Variants in PRKCZ observed in about 807,000 individuals in gnomAD.
PRKCZ encodes the protein protein kinase C zeta.
A neutral mutation model predicts 79.5 loss-of-function variants in PRKCZ; 33 were observed. The observed-to-expected ratio is 0.41, with a 90% CI of 0.31 to 0.55. PRKCZ has a LOEUF of 0.55. PRKCZ is among the 20% of genes least tolerant of loss of function. The pLI is 0.19. For synonymous variants in PRKCZ, 342 were observed against 320.9 expected, an observed-to-expected ratio of 1.07 and a Z score of -0.70; for missense variants, 578 against 813.5, an observed-to-expected ratio of 0.71 and a Z score of 3.52.
chr1:2,108,463 C>T lies in PRKCZ; in HGVS notation c.335-26799C>T, dbSNP rs112312368. On this transcript the variant is annotated intron_variant, in intron 4 of 17. Coordinates refer to ENST00000378567, the MANE Select transcript of PRKCZ (RefSeq NM_002744.6). ...GCGTGGGGCCGTGGCGGCTCCGAGG[C>T]GCCACCGCTGTGTCCTCTCATGAGT... Among the ~76,000 whole-genome samples the T allele has an allele frequency of 4.1e-3, 632 of 152,314 alleles. 7 individuals are homozygous for T. The highest frequency in any genetic ancestry group is 0.015 in the African/African-American group (618 of 41,582).
In PRKCZ at chr1:2,171,895, T is replaced by A. The variant is rs181408687; in HGVS notation, c.1062-160T>A. Among the ~76,000 whole-genome samples the A allele has an allele frequency of 9.0e-3, 1,375 of 152,278 alleles. 17 individuals carry two copies. Among genetic ancestry groups the A allele is most frequent in the Middle Eastern group, 0.024 (7 of 294 alleles). On this transcript the variant is annotated intron_variant, in intron 11 of 17. Transcript: ENST00000378567. ...CCTGGAGCTTTCATTGGCATTTCCC[T>A]CCCTGGCCCTGTGCACTGCACTTTC...
chr1:2,135,208 G>A lies in PRKCZ; in HGVS notation c.335-54G>A, dbSNP rs146707847. 405 of 1,505,804 alleles carry A rather than the reference G, an allele frequency of 2.7e-4. 1 individual carries two copies. In the African/African-American group the frequency reaches 4.8e-3, roughly 18 times the overall value. The allele number at this position is 1,505,804 out of a possible 1,614,324, so 93.3% of individuals were successfully genotyped here. ...GTGGCCTGTCGCAGCTGCACCCTGC[G>A]TGGGCTCGTGGCTGCCACGCTGTTT... On this transcript the variant is annotated intron_variant, in intron 4 of 17. Transcript: ENST00000378567.
chr1:2,112,587 G>C (rs1669961694), intron 4 of PRKCZ, among the ~76,000 whole-genome samples: 1 of 152,188 alleles, frequency 6.6e-6, no homozygotes, highest in Non-Finnish European at 1.5e-5. Flanking sequence ...TCCTTCTCTG[G>C]ATGCCTGTAA....
intron 4 of PRKCZ, chr1:2,074,048 G>A (rs1383609583): frequency 6.2e-6 from 9 of 1,444,630 alleles, no homozygotes; most frequent in African/African-American, 1.4e-5. Context: ...TCTGAGTCCC[G>A]GCGTTGCCGC....
intron 5 of PRKCZ, among the ~76,000 whole-genome samples, chr1:2,140,101 C>T (rs902321139): frequency 1.3e-5 from 2 of 152,244 alleles, no homozygotes; most frequent in Non-Finnish European, 2.9e-5. Context: ...CATCCATGAG[C>T]AGCAGTGCCT....
intron 10 of PRKCZ, among the ~76,000 whole-genome samples, chr1:2,158,728 G>A (rs1234172918): frequency 6.6e-6 from 1 of 152,182 alleles, no homozygotes; most frequent in Non-Finnish European, 1.5e-5. Context: ...TCCCCTGAGT[G>A]GCCCAAAGCT....
rs181135239 is a variant in PRKCZ, at chr1:2,073,609, C to T, written c.334+14018C>T. On this transcript the variant is annotated intron_variant, in intron 4 of 17. Coordinates refer to ENST00000378567, the MANE Select transcript of PRKCZ (RefSeq NM_002744.6). ...TGCTGATGCAGAGATGCTTGTTTTC[C>T]TGTGACGTCAGCGTCAGCTCCTGCA... The T allele has an allele frequency of 5.6e-4, 556 of 988,596 alleles. 3 individuals carry two copies. In the African/African-American group the frequency reaches 9.1e-3, roughly 16 times the overall value. The allele number at this position is 988,596 out of a possible 1,614,324, so 61.2% of individuals were successfully genotyped here. A position where few individuals can be genotyped will look rare whatever the true frequency, so the allele number is the denominator to read the frequency against.
intron 10 of PRKCZ, among the ~76,000 whole-genome samples, chr1:2,159,207 A>G (rs1440710694): frequency 6.6e-6 from 1 of 152,252 alleles, no homozygotes; most frequent in Non-Finnish European, 1.5e-5. Context: ...CTTACTGACC[A>G]CACAGCACCA....
At chr1:2,060,038 G>T (rs994610714) in intron 4 of PRKCZ, among the ~76,000 whole-genome samples, 1 of 152,224 alleles carries the variant, frequency 6.6e-6, no homozygotes, top group East Asian at 1.9e-4. Flanking sequence ...CCCGGGGGCT[G>T]TGGCTTCAGA....
intron 4 of PRKCZ, among the ~76,000 whole-genome samples, chr1:2,083,817 T>TA (rs1273387629): frequency 6.6e-6 from 1 of 152,238 alleles, no homozygotes; most frequent in African/African-American, 2.4e-5. Flanking sequence ...GGTCATTTCT[T>TA]ACATGTCAGT....
rs529698265 is a variant in PRKCZ at position 2,149,497 on chromosome 1, AGTGTCACCCTCACAACTCGT to A, written c.687+575_687+594del. Reference sequence around the variant, plus strand: ...CCCACTCCTTTCCAGAGCACCAACAAGTGTCACCCTCACAACTCGTGCTCCTTCCTGGCCATCCTGTGTCT... The same window carrying A: ...CCCACTCCTTTCCAGAGCACCAACAAGCTCCTTCCTGGCCATCCTGTGTCT... On this transcript the variant is annotated intron_variant, in intron 8 of 17. Transcript: ENST00000378567. This position sits in a 1 kb window ranked among gnomAD's most constrained non-coding sequence, Gnocchi z 4.1. 2.2e-3 allele frequency among the ~76,000 whole-genome samples: 339 copies of A among 152,254 alleles called. 1 individual carries two copies. The highest frequency in any genetic ancestry group is 7.7e-3 in the African/African-American group (321 of 41,554).
chr1:2,129,805 C>T (rs1674613469), intron 4 of PRKCZ, among the ~76,000 whole-genome samples: 1 of 152,226 alleles, frequency 6.6e-6, no homozygotes, highest in African/African-American at 2.4e-5. Context: ...GCCTTGGCCA[C>T]AGGGAGGCTT....
intron 4 of PRKCZ, among the ~76,000 whole-genome samples, chr1:2,083,928 T>A (rs555420706): frequency 2.4e-4 from 37 of 152,332 alleles, no homozygotes; most frequent in Admixed American, 2.3e-3. Context: ...TACGCGTGCG[T>A]GTGTTTTAAA....
At chr1:2,060,718 C>G (rs1660597092) in intron 4 of PRKCZ, among the ~76,000 whole-genome samples, 1 of 152,172 alleles carries the variant, frequency 6.6e-6, no homozygotes, top group Admixed American at 6.5e-5. Flanking sequence ...AGCGGGTGGT[C>G]TGGGGCTGGA....
chr1:2,162,131 A>G (rs1296765914), intron 10 of PRKCZ, among the ~76,000 whole-genome samples: 1 of 151,852 alleles, frequency 6.6e-6, no homozygotes, highest in East Asian at 1.9e-4. Context: ...AGAAACTGGG[A>G]TTTTCTTTTC....
At chr1:2,167,928 ATTCT>A (rs949691926) in intron 10 of PRKCZ, among the ~76,000 whole-genome samples, 13 of 152,146 alleles carry the variant, frequency 8.5e-5, no homozygotes, top group Admixed American at 2.0e-4. Context: ...TTTTGAATAA[ATTCT>A]TTCTTAACGT....
At chr1:2,059,227 A>G (rs950198147) in intron 3 of PRKCZ, among the ~76,000 whole-genome samples, 14 of 152,386 alleles carry the variant, frequency 9.2e-5, no homozygotes, top group African/African-American at 3.1e-4. Flanking sequence ...GTCAGTGTTC[A>G]AAGTAATTGC....
intron 4 of PRKCZ, among the ~76,000 whole-genome samples, chr1:2,089,232 C>G (rs112874057): frequency 6.6e-6 from 1 of 151,926 alleles, no homozygotes. Context: ...TGGCAGACGC[C>G]ATGAGGAAGG....
At chr1:2,072,656 TG>T (rs1488265709) in intron 4 of PRKCZ, among the ~76,000 whole-genome samples, 1 of 151,892 alleles carries the variant, frequency 6.6e-6, no homozygotes, top group African/African-American at 2.4e-5. Context: ...TCTGGGTTGG[TG>T]GGTTTGCATT....
Sources: gnomAD v4.1 joint callset for allele counts (sites outside exome capture counted in the v4.1 genomes callset) on GRCh38, gnomAD v4.1.1 for gene constraint, Gnocchi (gnomAD v3.1) non-coding constraint, MANE v1.5 for transcripts, NCBI Gene and HGNC (gene_info 2026-07-23, HGNC 2026-07-21) for gene names.